The following XKR3 variants were observed in gnomAD, a reference collection of about 807,000 sequenced individuals.
XKR3 encodes XK-related protein 3.
In XKR3, 27 loss-of-function variants were observed where a neutral mutation model predicts 40.3. The ratio of observed to expected loss-of-function variants is 0.67; its 90% CI spans 0.49 to 0.92. The LOEUF (loss-of-function observed/expected upper bound fraction) is 0.92. Among genes scored for constraint, XKR3 ranks in the 40% least tolerant of loss-of-function variants. XKR3 has a pLI of 0.00. For missense variants in XKR3, 472 were observed against 537.6 expected, an observed-to-expected ratio of 0.88 and a Z score of 1.21; for synonymous variants, 193 against 195.4, an observed-to-expected ratio of 0.99 and a Z score of 0.10.
At chr22:16,803,992 A>G (rs2060179772) in intron 2 of XKR3, among the ~76,000 whole-genome samples, 1 of 152,208 alleles carries the variant, frequency 6.6e-6, no homozygotes, top group Non-Finnish European at 1.5e-5. Context: ...GATCAGGACC[A>G]CTTTCCCATA....
Position 16,801,160 on chromosome 22 carries a change from GA to G in XKR3, c.336-1137del. ...GGCAGTATTTTTAAAATAATGACTA[GA>G]AAAAGAGTTTCAAATTGTTACAATC... On this transcript the variant is annotated intron_variant, in intron 2 of 3. Coordinates refer to ENST00000684488, the MANE Select transcript of XKR3 (RefSeq NM_001386955.1). Among the ~76,000 whole-genome samples, 3 of 152,220 alleles carry G rather than the reference GA, an allele frequency of 2.0e-5. No homozygotes were observed. In the East Asian group the frequency reaches 5.8e-4, roughly 29 times the overall value.
chr22:16,822,196 G>C (rs1428514073), intron 1 of XKR3, among the ~76,000 whole-genome samples: 1 of 152,016 alleles, frequency 6.6e-6, no homozygotes, highest in Non-Finnish European at 1.5e-5. Flanking sequence ...TTTTAAAAAT[G>C]CATGTAGCAC....
At chr22:16,799,271 G>A (rs1386570628) in intron 3 of XKR3, among the ~76,000 whole-genome samples, 6 of 151,238 alleles carry the variant, frequency 4.0e-5, no homozygotes, top group Non-Finnish European at 8.8e-5. Flanking sequence ...AAAATTAGTC[G>A]GGCATGGTGG....
chr22:16,813,820 T>C (rs1315417223), intron 1 of XKR3, among the ~76,000 whole-genome samples: 1 of 152,206 alleles, frequency 6.6e-6, no homozygotes, highest in African/African-American at 2.4e-5. Flanking sequence ...TTTTTCCATA[T>C]ATTCACCAAC....
chr22:16,808,505 T>A (rs184491901), intron 1 of XKR3, among the ~76,000 whole-genome samples: 5 of 152,202 alleles, frequency 3.3e-5, no homozygotes, highest in African/African-American at 1.2e-4. Flanking sequence ...CTAAGAAAAC[T>A]ATCCCCAGAT....
chr22:16,785,106 A>G (rs1433450649), intron 3 of XKR3, among the ~76,000 whole-genome samples: 1 of 152,202 alleles, frequency 6.6e-6, no homozygotes, highest in African/African-American at 2.4e-5. Context: ...TCACGAGGTC[A>G]GGAGATTGAG....
intron 1 of XKR3, among the ~76,000 whole-genome samples, chr22:16,809,000 G>A (rs2060202182): frequency 6.6e-6 from 1 of 152,090 alleles, no homozygotes; most frequent in Non-Finnish European, 1.5e-5. Flanking sequence ...TTCCCCAGAA[G>A]ACGTTGGTGG....
intron 1 of XKR3, among the ~76,000 whole-genome samples, chr22:16,816,158 T>C (rs1216960925): frequency 6.6e-6 from 1 of 151,978 alleles, no homozygotes; most frequent in Non-Finnish European, 1.5e-5. Context: ...TTACATCTAA[T>C]ATGATTACTC....
chr22:16,816,454 A>G (rs1470541670), intron 1 of XKR3, among the ~76,000 whole-genome samples: 2 of 151,726 alleles, frequency 1.3e-5, no homozygotes, highest in African/African-American at 2.4e-5. Context: ...GCTAATCAAA[A>G]GGGCCCAGTT....
intron 1 of XKR3, among the ~76,000 whole-genome samples, chr22:16,808,330 C>T: frequency 6.6e-6 from 1 of 152,180 alleles, no homozygotes; most frequent in East Asian, 1.9e-4. Flanking sequence ...TTCTATAAGG[C>T]ATCAACTACC....
rs59631397 is a variant in XKR3 at position 16,806,260 on chromosome 22, CA to C, written c.335+1478del. Among the ~76,000 whole-genome samples the C allele has an allele frequency of 1.5e-3, 204 of 131,946 alleles. 1 individual carries two copies. Among genetic ancestry groups the C allele is most frequent in the African/African-American group, 4.6e-3 (161 of 35,370 alleles). The allele number at this position is 131,946 out of a possible 152,430, so 86.6% of individuals were successfully genotyped here. On this transcript the variant is annotated intron_variant, in intron 2 of 3. Coordinates refer to ENST00000684488, the MANE Select transcript of XKR3 (RefSeq NM_001386955.1). ...GGTGAAAAAGAATGATAGTTCATCT[CA>C]AAAAAAAAAAGAAAAAAGTCAATTA...
intron 2 of XKR3, among the ~76,000 whole-genome samples, chr22:16,804,279 C>T (rs891840137): frequency 2.6e-5 from 4 of 152,110 alleles, no homozygotes; most frequent in Non-Finnish European, 4.4e-5. Flanking sequence ...TACTAATGCC[C>T]TACAAACCAT....
At chr22:16,820,992 C>T (rs1334346222) in intron 1 of XKR3, among the ~76,000 whole-genome samples, 1 of 152,008 alleles carries the variant, frequency 6.6e-6, no homozygotes, top group African/African-American at 2.4e-5. Flanking sequence ...ATCCATAAAA[C>T]AATTATGACT....
chr22:16,808,048 T>C lies in XKR3; in HGVS notation c.26A>G (p.Asp9Gly). 1 of 1,610,010 alleles carries C rather than the reference T, an allele frequency of 6.2e-7. No homozygotes were observed. Among genetic ancestry groups the C allele is most frequent in the Non-Finnish European group, 8.5e-7 (1 of 1,178,450 alleles). Reference protein sequence around the residue: METVFEEMDEESTGGVSSS... With the variant: METVFEEMGEESTGGVSSS... ...TGAAACTCCTCCTGTGCTTTCTTCATCCATCTCTTCAAACACTGTCTCCAT... is the reference window on the plus strand; with the variant it reads ...TGAAACTCCTCCTGTGCTTTCTTCACCCATCTCTTCAAACACTGTCTCCAT... The change falls in exon 2 of 4, where the codon GAT becomes GGT. Residue 9 changes from aspartate (D) to glycine (G), a missense_variant. Asp to Gly is a moderately conservative substitution (Grantham distance 94, BLOSUM62 -1). Coordinates refer to ENST00000684488, the MANE Select transcript of XKR3 (RefSeq NM_001386955.1).
intron 1 of XKR3, among the ~76,000 whole-genome samples, chr22:16,817,750 T>A (rs2060239614): frequency 6.6e-6 from 1 of 152,138 alleles, no homozygotes; most frequent in African/African-American, 2.4e-5. Context: ...GCCATTTTTA[T>A]TTTTTTAAAA....
At chr22:16,810,698 C>T (rs1330614649) in intron 1 of XKR3, among the ~76,000 whole-genome samples, 1 of 152,178 alleles carries the variant, frequency 6.6e-6, no homozygotes, top group African/African-American at 2.4e-5. Flanking sequence ...TAAAAAGAAA[C>T]TACCCATTAG....
At chr22:16,812,721 G>A (rs182323322) in intron 1 of XKR3, among the ~76,000 whole-genome samples, 1 of 152,140 alleles carries the variant, frequency 6.6e-6, no homozygotes, top group Admixed American at 6.5e-5. Context: ...GATTTTCAAG[G>A]TATTCACAAA....
intron 3 of XKR3, among the ~76,000 whole-genome samples, chr22:16,788,343 G>A (rs1300703943): frequency 3.3e-5 from 5 of 151,836 alleles, no homozygotes; most frequent in East Asian, 1.9e-4. Flanking sequence ...AAGAAGATAC[G>A]AAATACACCA....
chr22:16,799,896 T>C lies in XKR3; in HGVS notation c.464A>G (p.Asp155Gly), dbSNP rs1490599810. The C allele has an allele frequency of 1.4e-5, 23 of 1,614,144 alleles. No individual in the cohort carries two copies. Among genetic ancestry groups the C allele is most frequent in the Non-Finnish European group, 1.9e-5 (23 of 1,180,020 alleles). Residue 155 changes from aspartate (D) to glycine (G), a missense_variant, in exon 3 of 4, where the codon GAT becomes GGT. Transcript: ENST00000684488. ...LEREIAFSIR[D>G]NFMQQKAFKY... The stretch of plus-strand genomic sequence containing the variant: ...GAAAGCCTTCTGCTGCATGAAATTA[T>C]CCCGGATTGAGAATGCAATCTCCCT...
Sources: gnomAD v4.1 joint callset for allele counts (sites outside exome capture counted in the v4.1 genomes callset) on GRCh38, gnomAD v4.1.1 for gene constraint, MANE v1.5 for transcripts, NCBI Gene and HGNC (gene_info 2026-07-23, HGNC 2026-07-21) for gene names.